The following XPO5 variants were observed in gnomAD, a reference collection of about 807,000 sequenced individuals.
XPO5 encodes the protein exportin-5.
Under a neutral mutation model 160.6 loss-of-function variants are expected in XPO5, and 46 were observed. The observed-to-expected ratio is 0.29, with a 90% CI of 0.23 to 0.37. The LOEUF is 0.37. Among genes scored for constraint, XPO5 ranks in the 10% least tolerant of loss-of-function variants. XPO5 has a pLI of 1.00. For synonymous variants in XPO5, 537 were observed against 519.3 expected, an observed-to-expected ratio of 1.03 and a Z score of -0.46; for missense variants, 1,090 against 1,463.9, an observed-to-expected ratio of 0.74 and a Z score of 4.17.
chr6:43,536,743 G>C (rs1794346696), intron 20 of XPO5, among the ~76,000 whole-genome samples: 1 of 105,520 alleles, frequency 9.5e-6, no homozygotes, highest in African/African-American at 3.9e-5. Flanking sequence ...CTGGACGACA[G>C]AGTGAGACTC....
chr6:43,569,718 G>A (rs1762894332), intron 5 of XPO5, among the ~76,000 whole-genome samples: 1 of 149,682 alleles, frequency 6.7e-6, no homozygotes, highest in Non-Finnish European at 1.5e-5. Context: ...GGGTGACAGA[G>A]TGAGACTCCC....
intron 1 of XPO5, among the ~76,000 whole-genome samples, chr6:43,575,070 C>A (rs1472809908): frequency 6.6e-6 from 1 of 152,108 alleles, no homozygotes; most frequent in Admixed American, 6.5e-5. Context: ...TAAGTCAGTC[C>A]CAAGAGCAGA....
intron 1 of XPO5, among the ~76,000 whole-genome samples, chr6:43,575,446 T>C (rs375509829): frequency 6.6e-6 from 1 of 151,344 alleles, no homozygotes; most frequent in African/African-American, 2.4e-5. Flanking sequence ...GGAATGAAAA[T>C]GGGCGAGGGT....
At chr6:43,552,533 A>G (rs1010606707) in intron 14 of XPO5, among the ~76,000 whole-genome samples, 4 of 152,016 alleles carry the variant, frequency 2.6e-5, no homozygotes, top group Non-Finnish European at 5.9e-5. Context: ...TTGTGTTTTT[A>G]GTAGAGACAA....
intron 8 of XPO5, among the ~76,000 whole-genome samples, chr6:43,563,627 C>G (rs184411245): frequency 2.0e-3 from 312 of 152,322 alleles, no homozygotes; most frequent in Non-Finnish European, 3.5e-3. Context: ...GGCTATATAG[C>G]ATAGCCTATT....
At position 43,548,244 on chromosome 6, in the gene XPO5, C is replaced by T. The variant is rs768750498; in HGVS notation, c.2060+17G>A. On this transcript the variant is annotated intron_variant, in intron 18 of 31. Transcript: ENST00000265351. ...TGCTTGAGTATAGTAAGAGTCAGGG[C>T]AAGGGATCTCCTTTACCTGTGCATG... is the stretch of plus-strand genomic sequence containing the variant. 13 of 1,579,070 alleles carry T rather than the reference C, an allele frequency of 8.2e-6. No homozygotes were observed. In the South Asian group the frequency reaches 1.4e-4, roughly 17 times the overall value.
In XPO5 at chr6:43,555,933, C is replaced by CTTGGATGTG; in HGVS notation, c.1343_1344insCACATCCAA (p.Arg448delinsSerThrSerLys). 1 of 1,613,968 alleles carries CTTGGATGTG rather than the reference C, an allele frequency of 6.2e-7. No homozygotes were observed. The highest frequency in any genetic ancestry group is 8.5e-7 in the Non-Finnish European group (1 of 1,179,862). ...TTTTGGGATCCAAACGACATGCCAA[C>CTTGGATGTG]CTCATCACCTCTCCTTGTTGTGCTC... On this transcript the variant is annotated protein_altering_variant, in exon 13 of 32. Coordinates refer to ENST00000265351, the MANE Select transcript of XPO5 (RefSeq NM_020750.3).
intron 7 of XPO5, among the ~76,000 whole-genome samples, chr6:43,566,465 T>C (rs1236445831): frequency 6.6e-6 from 1 of 152,028 alleles, no homozygotes; most frequent in Non-Finnish European, 1.5e-5. Context: ...AAATTACATT[T>C]GTAGATAATA....
rs1762739486 is a variant in XPO5 at position 43,567,196 on chromosome 6, C to T, written c.807G>A (p.Glu269=). 2.5e-6 allele frequency: 4 copies of T among 1,613,338 alleles called. No individual in the cohort carries two copies. Among genetic ancestry groups the T allele is most frequent in the Non-Finnish European group, 3.4e-6 (4 of 1,179,626 alleles). ...NEQELQLGAA[E]CLLIAVSRKG... is the part of the protein sequence containing the mutation. The stretch of plus-strand genomic sequence containing the variant: ...TTCTGCTGACTGCAATGAGAAGACA[C>T]TCAGCGGCTCCCAACTGAAGTTCCT... The change falls in exon 7 of 32, where the codon GAG becomes GAA. Residue 269 remains glutamate (E), a synonymous_variant. Coordinates refer to ENST00000265351, the MANE Select transcript of XPO5 (RefSeq NM_020750.3).
chr6:43,558,031 G>A (rs1362718370), intron 12 of XPO5, among the ~76,000 whole-genome samples: 1 of 151,548 alleles, frequency 6.6e-6, no homozygotes, highest in African/African-American at 2.4e-5. Context: ...GAAGGCAGAG[G>A]TTGTGGTGAG....
At chr6:43,526,496 A>T in intron 27 of XPO5, 189 bp downstream of exon 27, 1 of 620,728 alleles carries the variant, frequency 1.6e-6, no homozygotes. Flanking sequence ...GAGACAGAGG[A>T]AACAGCAAGT....
chr6:43,545,436 G>A (rs1794916635), intron 20 of XPO5, among the ~76,000 whole-genome samples: 2 of 152,092 alleles, frequency 1.3e-5, no homozygotes, highest in African/African-American at 4.8e-5. Context: ...GCCAGGTGTG[G>A]TGGCTCACTC....
chr6:43,575,376 T>G (rs113094510), intron 1 of XPO5, among the ~76,000 whole-genome samples: 1 of 149,172 alleles, frequency 6.7e-6, no homozygotes, highest in East Asian at 2.0e-4. Context: ...AGAACGAAGC[T>G]GGTGTTGGGG....
chr6:43,570,716 T>C (rs758459782), intron 4 of XPO5, 32 bp from the exon 5 acceptor site: 7 of 1,555,720 alleles, frequency 4.5e-6, no homozygotes, highest in African/African-American at 1.4e-5. Context: ...AGTTAAAAAC[T>C]AAAATATCTT....
In XPO5 at chr6:43,522,992, C is replaced by G. The variant is rs1181739662; in HGVS notation, c.*876G>C. On this transcript the variant is annotated 3_prime_UTR_variant, in exon 32 of 32. Coordinates refer to ENST00000265351, the MANE Select transcript of XPO5 (RefSeq NM_020750.3). ...ATTGTGGAAGGCACCTGGACTTAGT[C>G]CTAGGAGAAGACCAGCGGCTTTGCT... is the stretch of plus-strand genomic sequence containing the variant. 6.0e-6 allele frequency: 1 copy of G among 167,658 alleles called. No individual in the cohort carries two copies. Among genetic ancestry groups the G allele is most frequent in the Non-Finnish European group, 1.3e-5 (1 of 76,284 alleles). The allele number at this position is 167,658 out of a possible 1,614,324, so 10.4% of individuals were successfully genotyped here.
At position 43,546,790 on chromosome 6, in the gene XPO5, G is replaced by GA. The variant is rs374970458; in HGVS notation, c.2161-39dup. On this transcript the variant is annotated intron_variant, in intron 19 of 31. Coordinates refer to ENST00000265351, the MANE Select transcript of XPO5 (RefSeq NM_020750.3). ...AAGAATGACAGATAAATATTAAAAG[G>GA]AAAAAAAAAAAAAGACCAAATACTG... 0.057 allele frequency: 62,025 copies of GA among 1,090,880 alleles called. 8 individuals carry two copies. Among genetic ancestry groups the GA allele is most frequent in the Non-Finnish European group, 0.062 (50,046 of 806,068 alleles). The allele number at this position is 1,090,880 out of a possible 1,614,324, so 67.6% of individuals were successfully genotyped here. A position where few individuals can be genotyped will look rare whatever the true frequency, so the allele number is the denominator to read the frequency against.
In XPO5 at chr6:43,567,342, A is replaced by G. The variant is rs553233595; in HGVS notation, c.661T>C (p.Cys221Arg). Residue 221 changes from cysteine to arginine, a missense_variant, in exon 7 of 32, where the codon TGT becomes CGT. Physicochemically the swap from Cys to Arg is radical, Grantham distance 180. Transcript: ENST00000265351. Reference protein sequence around the residue: ...TSQESKAQANCRVGVAALNTL... With the variant: ...TSQESKAQANRRVGVAALNTL... ...TTCAGTGCTGCAACTCCTACTCGACAGTTTGCTTGCGCCTACCAGAAAAGA... is the reference window on the plus strand; with the variant it reads ...TTCAGTGCTGCAACTCCTACTCGACGGTTTGCTTGCGCCTACCAGAAAAGA... 15 of 1,605,410 alleles carry G rather than the reference A, an allele frequency of 9.3e-6. No individual in the cohort carries two copies. In the Admixed American group the frequency reaches 1.7e-4, roughly 18 times the overall value.
At chr6:43,525,526 A>C (rs1181663891) in intron 28 of XPO5, 1 of 505,136 alleles carries the variant, frequency 2.0e-6, no homozygotes, top group African/African-American at 1.9e-5. Context: ...AAAAGAAAAA[A>C]TCAAAATGTG....
chr6:43,550,412 T>A (rs1795172170), intron 15 of XPO5, among the ~76,000 whole-genome samples: 1 of 152,232 alleles, frequency 6.6e-6, no homozygotes, highest in Non-Finnish European at 1.5e-5. Context: ...AGCCCACTTT[T>A]CTGAAGTCCT....
Sources: gnomAD v4.1 joint callset for allele counts (sites outside exome capture counted in the v4.1 genomes callset) on GRCh38, gnomAD v4.1.1 for gene constraint, MANE v1.5 for transcripts, NCBI Gene and HGNC (gene_info 2026-07-23, HGNC 2026-07-21) for gene names.